Variants in MYO9A observed in about 807,000 individuals in gnomAD.
The protein encoded by MYO9A is myosin IXA, also known as unconventional myosin-IXa.
In MYO9A, 103 loss-of-function variants were observed where a neutral mutation model predicts 293.3. The ratio of observed to expected loss-of-function variants is 0.35; its 90% CI spans 0.30 to 0.41. MYO9A has a LOEUF of 0.41. MYO9A is among the 10% of genes least tolerant of loss of function. The probability of loss-of-function intolerance (pLI) is 1.00; values close to 1 mark genes in which losing one functional copy is unlikely to be tolerated. For missense variants in MYO9A, 2,685 were observed against 3,033.0 expected (o/e 0.89, Z 2.69); for synonymous variants, 1,001 against 1,035.7 (o/e 0.97, Z 0.64).
intron 26 of MYO9A, chr15:71,891,232 G>A (rs1371171865): frequency 6.6e-6 from 1 of 152,250 alleles, no homozygotes; most frequent in Non-Finnish European, 1.5e-5. Flanking sequence ...GTGCAGGGAA[G>A]TGCTCTACAA....
At chr15:72,021,463 G>C (rs1406607820) in intron 4 of MYO9A, among the ~76,000 whole-genome samples, 1 of 152,172 alleles carries the variant, frequency 6.6e-6, no homozygotes, top group Non-Finnish European at 1.5e-5. Context: ...ACTTGGAGAT[G>C]AGAAGCCTGA....
At position 72,056,991 on chromosome 15, in the gene MYO9A, C is replaced by T. The variant is rs895090276; in HGVS notation, c.-71-10357G>A. 3.9e-5 allele frequency among the ~76,000 whole-genome samples: 6 copies of T among 152,102 alleles called. No individual in the cohort carries two copies. In the East Asian group the frequency reaches 1.2e-3, roughly 29 times the overall value. ...CAGGCATGGTGGGTGCCTATAATCC[C>T]AGCTACTCAGGAGGCCGAGGCAGGA... On this transcript the variant is annotated intron_variant, in intron 1 of 41. Coordinates refer to ENST00000356056, the MANE Select transcript of MYO9A (RefSeq NM_006901.4).
At position 72,117,589 on chromosome 15, in the gene MYO9A, G is replaced by A. The variant is rs939362547; in HGVS notation, c.-72+91C>T. 8.5e-5 allele frequency: 33 copies of A among 386,378 alleles called. No homozygotes were observed. The South Asian group carries it at 1.7e-3, about 20-fold the overall frequency. The allele number at this position is 386,378 out of a possible 1,614,324, so 23.9% of individuals were successfully genotyped here. A position where few individuals can be genotyped will look rare whatever the true frequency, so the allele number is the denominator to read the frequency against. ...CTCGCGGGGCGTCTCCGCTGGGACG[G>A]GGCGGGGCGGCCCGACCGGAGCCAA... On this transcript the variant is annotated intron_variant, in intron 1 of 41. Coordinates refer to ENST00000356056, the MANE Select transcript of MYO9A (RefSeq NM_006901.4).
chr15:72,050,150 TTTTTG>T (rs897962522), intron 1 of MYO9A, among the ~76,000 whole-genome samples: 4 of 152,002 alleles, frequency 2.6e-5, no homozygotes, highest in Admixed American at 1.3e-4. Context: ...TTTGTGGGTT[TTTTTG>T]TTTTGTTTTT....
chr15:72,102,588 A>G (rs751991649), intron 1 of MYO9A, among the ~76,000 whole-genome samples: 1 of 152,138 alleles, frequency 6.6e-6, no homozygotes, highest in African/African-American at 2.4e-5. Context: ...AATAACAGAT[A>G]TATCAGAAAG....
intron 1 of MYO9A, among the ~76,000 whole-genome samples, chr15:72,115,849 T>C (rs1038224132): frequency 1.3e-5 from 2 of 152,126 alleles, no homozygotes; most frequent in Non-Finnish European, 1.5e-5. Context: ...TAAACATACA[T>C]ATAACATCAG....
At position 71,852,166 on chromosome 15, in the gene MYO9A, G is replaced by T; in HGVS notation, c.6441C>A (p.Thr2147=). 6.2e-7 allele frequency: 1 copy of T among 1,613,746 alleles called. No individual in the cohort carries two copies. Among genetic ancestry groups the T allele is most frequent in the Non-Finnish European group, 8.5e-7 (1 of 1,179,786 alleles). ...GAAGAAATTCCTCATAGAGTTCAAA[G>T]GTCATGAGAGGATTGGGCAAATCTC... ...WLRDLPNPLM[T]FELYEEFLRA... Residue 2147 remains threonine (T), a synonymous_variant, in exon 36 of 42, where the codon ACC becomes ACA. Coordinates refer to ENST00000356056, the MANE Select transcript of MYO9A (RefSeq NM_006901.4).
At chr15:71,999,743 A>G in intron 9 of MYO9A, 108 bp downstream of exon 9, 1 of 735,396 alleles carries the variant, frequency 1.4e-6, no homozygotes, top group Non-Finnish European at 2.2e-6. Flanking sequence ...TTTCAATCAA[A>G]ACTTTTTGCC....
At chr15:71,892,490 C>T (rs1185912649) in intron 26 of MYO9A, 4 of 152,328 alleles carry the variant, frequency 2.6e-5, no homozygotes, top group Non-Finnish European at 5.9e-5. Context: ...TAAACTATGG[C>T]CAACAGGTCA....
At chr15:72,100,917 G>A (rs1164067802) in intron 1 of MYO9A, among the ~76,000 whole-genome samples, 2 of 142,720 alleles carry the variant, frequency 1.4e-5, no homozygotes, top group Admixed American at 6.9e-5. Flanking sequence ...CGGGAGGGAG[G>A]TGGGGGGGGT....
rs924716247 is a variant in MYO9A, at chr15:71,952,035, A to G, written c.2183-139T>C. ...AAAAATGTATCAAATAATAGAGGTT[A>G]TATGTGAATGTCCAATTATTTTGAG... On this transcript the variant is annotated intron_variant, in intron 14 of 41. Transcript: ENST00000356056. 19 of 848,796 alleles carry G rather than the reference A, an allele frequency of 2.2e-5. No homozygotes were observed. In the African/African-American group the frequency reaches 2.6e-4, roughly 12 times the overall value. 52.6% of individuals were successfully genotyped at this position (848,796 alleles called of 1,614,324 possible).
Position 71,951,890 on chromosome 15 carries a change from T to C in MYO9A, c.2189A>G (p.Asp730Gly), listed in dbSNP as rs2059059937. 1 of 1,589,696 alleles carries C rather than the reference T, an allele frequency of 6.3e-7. No homozygotes were observed. Residue 730 changes from aspartate (D) to glycine (G), a missense_variant, in exon 15 of 42, where the codon GAT becomes GGT. Asp to Gly is a moderately conservative substitution (Grantham distance 94). This residue lies in a region of MYO9A where 1,434 missense variants were observed against 1,497.7 expected (regional missense o/e 0.96). Coordinates refer to ENST00000356056, the MANE Select transcript of MYO9A (RefSeq NM_006901.4). ...CAAAATTGCACATGGCGCTGTATCATCATGTCCTTAGGAAGCAAAAAAAAA... is the reference window on the plus strand; with the variant it reads ...CAAAATTGCACATGGCGCTGTATCACCATGTCCTTAGGAAGCAAAAAAAAA... ...KRNIHRKTGH[D>G]DTAPCAILKS...
chr15:71,994,303 G>A (rs1199157089), intron 10 of MYO9A, among the ~76,000 whole-genome samples, 166 bp downstream of exon 10: 6 of 151,918 alleles, frequency 3.9e-5, no homozygotes, highest in African/African-American at 1.5e-4. Flanking sequence ...AAAAAGGTCT[G>A]GAAAGACACA....
intron 12 of MYO9A, among the ~76,000 whole-genome samples, chr15:71,972,500 A>G (rs2076037081): frequency 6.6e-6 from 1 of 152,140 alleles, no homozygotes; most frequent in Admixed American, 6.5e-5. Flanking sequence ...TTGGGGACTG[A>G]GTCCTCGATC....
chr15:71,903,024 T>C lies in MYO9A; in HGVS notation c.2917A>G (p.Ile973Val). 6.3e-7 allele frequency: 1 copy of C among 1,591,250 alleles called. No individual in the cohort carries two copies. The highest frequency in any genetic ancestry group is 8.6e-7 in the Non-Finnish European group (1 of 1,164,190). ...TGAATGTTAAATTTGGATGGAATAATATTTCGGGGAAGAAGTACATGGAAG... is the reference window on the plus strand; with the variant it reads ...TGAATGTTAAATTTGGATGGAATAACATTTCGGGGAAGAAGTACATGGAAG... ...SHFHVLLPRN[I>V]IPSKFNIQDF... Residue 973 changes from isoleucine (I) to valine (V), a missense_variant, in exon 22 of 42, where the codon ATT becomes GTT. Transcript: ENST00000356056.
intron 1 of MYO9A, among the ~76,000 whole-genome samples, chr15:72,115,836 A>T (rs965388907): frequency 6.6e-6 from 1 of 152,154 alleles, no homozygotes; most frequent in Non-Finnish European, 1.5e-5. Context: ...TCACAAAATT[A>T]TTTAAACATA....
rs1336172499 is a variant in MYO9A at position 71,852,200 on chromosome 15, T to C, written c.6407A>G (p.Gln2136Arg). The change falls in exon 36 of 42, where the codon CAA (glutamine) becomes CGA (arginine). Residue 2136 changes from glutamine (Q) to arginine (R), a missense_variant. Around this residue, in one of 10 missense-constraint regions of MYO9A, gnomAD observed 238 missense variants for 269.1 expected, o/e 0.88. Coordinates refer to ENST00000356056, the MANE Select transcript of MYO9A (RefSeq NM_006901.4). ...NIHVIASVFKQWLRDLPNPLM... is the reference protein window; with the variant it reads ...NIHVIASVFKRWLRDLPNPLM... ...AGGATTGGGCAAATCTCGAAGCCAT[T>C]GTTTGAATACACTTGCAATGACGTG... is the stretch of plus-strand genomic sequence containing the variant. The C allele has an allele frequency of 6.2e-7, 1 of 1,613,628 alleles. No homozygotes were observed. The highest frequency in any genetic ancestry group is 2.2e-5 in the East Asian group (1 of 44,846).
Position 71,897,810 on chromosome 15 carries a change from T to C in MYO9A, c.4693A>G (p.Thr1565Ala). The C allele has an allele frequency of 6.2e-7, 1 of 1,614,014 alleles. No homozygotes were observed. Among genetic ancestry groups the C allele is most frequent in the East Asian group, 2.2e-5 (1 of 44,864 alleles). ...ERPSSLLSLN[T>A]SNKGELNVLG... ...ACATTAAGTTCTCCCTTATTTGAGG[T>C]ATTTAAGCTGAGGAGAGAGGATGGC... is the stretch of plus-strand genomic sequence containing the variant. The change falls in exon 25 of 42, where the codon ACC becomes GCC. Residue 1565 changes from threonine to alanine, a missense_variant. By Grantham distance (58) the Thr-to-Ala change is moderately conservative (BLOSUM62 0). Transcript: ENST00000356056.
chr15:71,928,673 T>C (rs536032190), intron 18 of MYO9A, among the ~76,000 whole-genome samples: 1 of 152,304 alleles, frequency 6.6e-6, no homozygotes, highest in East Asian at 1.9e-4. Flanking sequence ...TTGAATTTAC[T>C]ATAAAATAGT....
Sources: gnomAD v4.1 joint callset for allele counts (sites outside exome capture counted in the v4.1 genomes callset) on GRCh38, gnomAD v4.1.1 for gene constraint, gnomAD v4.1.1 regional missense constraint, MANE v1.5 for transcripts, NCBI Gene and HGNC (gene_info 2026-07-23, HGNC 2026-07-21) for gene names.